MPP7: variants seen among roughly 807,000 people sequenced by gnomAD.
The protein encoded by MPP7 is MAGUK p55 subfamily member 7.
In MPP7, 60 loss-of-function variants were observed where a neutral mutation model predicts 76.5. The ratio of observed to expected loss-of-function variants is 0.78; its 90% CI spans 0.64 to 0.97. The LOEUF (loss-of-function observed/expected upper bound fraction) is 0.97. Among genes scored for constraint, MPP7 ranks in the 50% least tolerant of loss-of-function variants. MPP7 has a pLI of 0.00. For missense variants in MPP7, 641 were observed against 694.0 expected, an observed-to-expected ratio of 0.92 and a Z score of 0.86; for synonymous variants, 237 against 244.5, an observed-to-expected ratio of 0.97 and a Z score of 0.29.
chr10:28,098,528 A>G (rs976105011), intron 11 of MPP7, among the ~76,000 whole-genome samples: 2 of 146,608 alleles, frequency 1.4e-5, no homozygotes, highest in African/African-American at 2.7e-5. Flanking sequence ...ACTAGATTAT[A>G]TAATTATATA....
At chr10:28,313,428 C>G (rs1417605001) in intron 2 of MPP7, among the ~76,000 whole-genome samples, 1 of 152,184 alleles carries the variant, frequency 6.6e-6, no homozygotes, top group East Asian at 1.9e-4. Context: ...ATCTCTTGAA[C>G]CTGGGAGGCA....
chr10:28,278,414 C>T (rs1390409820), intron 1 of MPP7, among the ~76,000 whole-genome samples: 1 of 152,006 alleles, frequency 6.6e-6, no homozygotes, highest in African/African-American at 2.4e-5. Flanking sequence ...TTTTTAAATT[C>T]CTAATCAATT....
intron 2 of MPP7, among the ~76,000 whole-genome samples, chr10:28,237,179 T>A (rs1839105127): frequency 6.6e-6 from 1 of 152,226 alleles, no homozygotes; most frequent in African/African-American, 2.4e-5. Flanking sequence ...AACTAAGGCA[T>A]TTTGGGTGAA....
chr10:28,221,809 C>T (rs1430796421), intron 2 of MPP7, among the ~76,000 whole-genome samples: 1 of 152,126 alleles, frequency 6.6e-6, no homozygotes, highest in Non-Finnish European at 1.5e-5. Flanking sequence ...CTAGGTGATT[C>T]GAGTGCTGCA....
At chr10:28,173,004 A>G (rs1237712171) in intron 3 of MPP7, among the ~76,000 whole-genome samples, 1 of 152,114 alleles carries the variant, frequency 6.6e-6, no homozygotes. Flanking sequence ...CAAGACTTTC[A>G]CCCTATAGAT....
chr10:28,118,444 A>G (rs1190212786), intron 11 of MPP7: 33 of 984,830 alleles, frequency 3.4e-5, no homozygotes, highest in Middle Eastern at 1.0e-3. Context: ...GTGACACATT[A>G]TCTTATCCCA....
intron 6 of MPP7, among the ~76,000 whole-genome samples, chr10:28,129,137 T>C (rs536218377): frequency 5.8e-4 from 88 of 152,272 alleles, no homozygotes; most frequent in Non-Finnish European, 9.6e-4. Context: ...TTACCACAAT[T>C]GTTTGATGTA....
chr10:28,236,804 C>G (rs767111883), intron 2 of MPP7: 4 of 152,012 alleles, frequency 2.6e-5, no homozygotes, highest in African/African-American at 7.3e-5. Flanking sequence ...AATGGGACGA[C>G]GTCAGCGACA....
chr10:28,247,200 T>C (rs1376401136), intron 1 of MPP7, among the ~76,000 whole-genome samples: 1 of 152,202 alleles, frequency 6.6e-6, no homozygotes, highest in Non-Finnish European at 1.5e-5. Context: ...TAGAAACATC[T>C]GTAATAAATC....
intron 3 of MPP7, among the ~76,000 whole-genome samples, chr10:28,158,507 T>C (rs1183251880): frequency 6.6e-6 from 1 of 151,916 alleles, no homozygotes; most frequent in Non-Finnish European, 1.5e-5. Flanking sequence ...AGAACAGGGG[T>C]ACAGAGAAGA....
intron 3 of MPP7, among the ~76,000 whole-genome samples, chr10:28,184,851 TAA>T: frequency 6.8e-6 from 1 of 146,012 alleles, no homozygotes; most frequent in Non-Finnish European, 1.5e-5. Flanking sequence ...TATTTTAACT[TAA>T]TATATTATGA....
intron 3 of MPP7, among the ~76,000 whole-genome samples, chr10:28,178,619 A>C (rs575358426): frequency 5.7e-4 from 87 of 152,228 alleles, no homozygotes; most frequent in Non-Finnish European, 1.0e-3. Flanking sequence ...TCTACCACCT[A>C]ACTGGCTGTG....
intron 2 of MPP7, among the ~76,000 whole-genome samples, chr10:28,215,935 T>C (rs2134040015): frequency 6.6e-6 from 1 of 152,198 alleles, no homozygotes; most frequent in Admixed American, 6.5e-5. Flanking sequence ...AAAATGTAAG[T>C]TTATCCTGCT....
At chr10:28,089,608 T>C in intron 12 of MPP7, 63 bp downstream of exon 12, 5 of 1,457,398 alleles carry the variant, frequency 3.4e-6, no homozygotes, top group Non-Finnish European at 4.7e-6. Context: ...TGATTCACTT[T>C]GAAGAGAAAT....
intron 3 of MPP7, among the ~76,000 whole-genome samples, chr10:28,185,002 AATT>A (rs1398751490): frequency 2.0e-5 from 3 of 147,568 alleles, no homozygotes; most frequent in Admixed American, 1.4e-4. Context: ...ATTAATATGT[AATT>A]ATTATATCAT....
At chr10:28,140,724 C>A (rs556485366) in intron 5 of MPP7, among the ~76,000 whole-genome samples, 2 of 152,004 alleles carry the variant, frequency 1.3e-5, no homozygotes, top group South Asian at 4.2e-4. Context: ...TGTTAAGTTT[C>A]CTAGGAAAAA....
At chr10:28,198,842 C>G (rs1940179134) in intron 3 of MPP7, among the ~76,000 whole-genome samples, 1 of 152,160 alleles carries the variant, frequency 6.6e-6, no homozygotes, top group Non-Finnish European at 1.5e-5. Flanking sequence ...CAGCTCTACC[C>G]TTGCTGATGG....
At chr10:28,057,617 T>C (rs1206463884) in intron 15 of MPP7, 2 of 349,024 alleles carry the variant, frequency 5.7e-6, no homozygotes, top group African/African-American at 5.0e-5. Context: ...TTTTTTTTTT[T>C]TTTTTTTTTT....
At chr10:28,314,776 T>G (rs1841309242) in intron 2 of MPP7, among the ~76,000 whole-genome samples, 1 of 152,170 alleles carries the variant, frequency 6.6e-6, no homozygotes, top group South Asian at 2.1e-4. Context: ...AGCACAAAGT[T>G]TGTAGAAATT....
Sources: allele counts gnomAD v4.1 joint callset (sites outside exome capture counted in the v4.1 genomes callset), GRCh38; gene constraint gnomAD v4.1.1; transcripts MANE v1.5; gene names NCBI Gene and HGNC (gene_info 2026-07-23, HGNC 2026-07-21).